ELMO1: variants seen among roughly 807,000 people sequenced by gnomAD.
ELMO1 encodes engulfment and cell motility 1, also known as engulfment and cell motility protein 1.
ELMO1 carries 26 observed loss-of-function variants against 98.9 expected under a neutral mutation model. The ratio of observed to expected loss-of-function variants is 0.26; its 90% CI spans 0.19 to 0.36. ELMO1 has a LOEUF of 0.36. Ranked by LOEUF, ELMO1 falls within the 10% of genes least tolerant of loss-of-function variation. The pLI is 1.00. For missense variants in ELMO1, 627 were observed against 935.2 expected, an observed-to-expected ratio of 0.67 and a Z score of 4.30; for synonymous variants, 346 against 346.0, an observed-to-expected ratio of 1.00 and a Z score of 0.00.
intron 13 of ELMO1, among the ~76,000 whole-genome samples, chr7:37,155,996 A>T (rs1040583251): frequency 2.0e-5 from 3 of 152,352 alleles, no homozygotes; most frequent in Middle Eastern, 3.4e-3. Flanking sequence ...AGTGCCATCA[A>T]ATTAGAACTC....
At chr7:37,423,141 T>C (rs1433157090) in intron 1 of ELMO1, among the ~76,000 whole-genome samples, 1 of 152,202 alleles carries the variant, frequency 6.6e-6, no homozygotes, top group African/African-American at 2.4e-5. Flanking sequence ...CTAAAATATA[T>C]AGGGAAAAAC....
At chr7:37,438,431 C>A (rs374889678) in intron 1 of ELMO1, among the ~76,000 whole-genome samples, 293 of 122,350 alleles carry the variant, frequency 2.4e-3, no homozygotes, top group Middle Eastern at 4.4e-3. Flanking sequence ...ACTAAAAATA[C>A]AAAAAAAAAA....
At chr7:37,312,524 C>CCCAG (rs1488027944) in intron 4 of ELMO1, among the ~76,000 whole-genome samples, 2 of 152,188 alleles carry the variant, frequency 1.3e-5, no homozygotes, top group African/African-American at 4.8e-5. Flanking sequence ...CATGAGACTG[C>CCCAG]CCAGAGGGTG....
At chr7:37,322,295 T>C (rs1339654804) in intron 2 of ELMO1, among the ~76,000 whole-genome samples, 1 of 151,954 alleles carries the variant, frequency 6.6e-6, no homozygotes, top group East Asian at 2.0e-4. Context: ...CTAGGCAACA[T>C]GGCAAAACCT....
At chr7:37,270,725 C>T (rs1460592468) in intron 5 of ELMO1, 10 of 152,050 alleles carry the variant, frequency 6.6e-5, no homozygotes, top group Non-Finnish European at 1.5e-4. Context: ...TATACTGTAG[C>T]GTCTTGTTTA....
intron 11 of ELMO1, among the ~76,000 whole-genome samples, chr7:37,215,250 G>A (rs969760451): frequency 2.0e-5 from 3 of 152,258 alleles, no homozygotes; most frequent in Non-Finnish European, 4.4e-5. Flanking sequence ...GAACTAACTT[G>A]GTCACAAATT....
At chr7:37,306,328 A>G (rs561825422) in intron 4 of ELMO1, among the ~76,000 whole-genome samples, 1 of 152,326 alleles carries the variant, frequency 6.6e-6, no homozygotes, top group Non-Finnish European at 1.5e-5. Flanking sequence ...GCTAAAATTG[A>G]AGGAATAAGA....
intron 15 of ELMO1, among the ~76,000 whole-genome samples, chr7:37,093,952 A>G (rs1010620416): frequency 1.3e-5 from 2 of 152,220 alleles, no homozygotes; most frequent in Admixed American, 6.5e-5. Flanking sequence ...TGCGTTAAAA[A>G]ACATAATGAC....
At chr7:37,168,835 GC>G (rs1237168096) in intron 13 of ELMO1, among the ~76,000 whole-genome samples, 1 of 152,316 alleles carries the variant, frequency 6.6e-6, no homozygotes, top group East Asian at 1.9e-4. Context: ...CAGATCTCCA[GC>G]TGCGTGCTGG....
chr7:36,891,818 A>G (rs1364207234), intron 17 of ELMO1, among the ~76,000 whole-genome samples: 1 of 152,214 alleles, frequency 6.6e-6, no homozygotes, highest in East Asian at 1.9e-4. Flanking sequence ...CTGATAGCAA[A>G]TTGGGTCCAA....
At chr7:37,088,855 T>C (rs889459351) in intron 15 of ELMO1, among the ~76,000 whole-genome samples, 2 of 152,248 alleles carry the variant, frequency 1.3e-5, no homozygotes, top group African/African-American at 4.8e-5. Flanking sequence ...ATGTCAAAGT[T>C]AGGCTTTAGA....
intron 8 of ELMO1, among the ~76,000 whole-genome samples, chr7:37,226,681 A>G (rs1028134381): frequency 1.3e-5 from 2 of 151,946 alleles, no homozygotes; most frequent in Admixed American, 6.5e-5. Flanking sequence ...GCTTGTCTCT[A>G]TTTATTAAAT....
intron 13 of ELMO1, among the ~76,000 whole-genome samples, chr7:37,186,963 C>A (rs1211219877): frequency 1.3e-5 from 2 of 152,104 alleles, no homozygotes; most frequent in African/African-American, 4.8e-5. Context: ...AAGTACAGAA[C>A]AAAGAGAAAT....
intron 4 of ELMO1, among the ~76,000 whole-genome samples, chr7:37,310,411 C>T (rs1798831603): frequency 6.6e-6 from 1 of 151,696 alleles, no homozygotes; most frequent in Non-Finnish European, 1.5e-5. Context: ...GATGACAAGG[C>T]AATTTTCCTG....
chr7:36,957,698 A>G (rs73342233), intron 16 of ELMO1, among the ~76,000 whole-genome samples: 3,757 of 151,946 alleles, frequency 0.025, 153 homozygotes, highest in African/African-American at 0.085. Context: ...TTTCCAATTC[A>G]CTCTCTCTAG....
chr7:36,924,390 C>G (rs1785372128), intron 16 of ELMO1, among the ~76,000 whole-genome samples: 3 of 152,140 alleles, frequency 2.0e-5, no homozygotes, highest in African/African-American at 7.2e-5. Flanking sequence ...CTCCTGCTGG[C>G]AGAGCATATC....
At chr7:37,443,706 TCAAA>T (rs1159936505) in intron 1 of ELMO1, among the ~76,000 whole-genome samples, 2 of 152,158 alleles carry the variant, frequency 1.3e-5, no homozygotes, top group Non-Finnish European at 2.9e-5. Flanking sequence ...TTGTTAACAC[TCAAA>T]CAACCCAAAT....
intron 15 of ELMO1, among the ~76,000 whole-genome samples, chr7:37,053,285 A>ACAC (rs1796212275): frequency 1.4e-5 from 2 of 138,788 alleles, no homozygotes; most frequent in South Asian, 2.4e-4. Flanking sequence ...CATTTGTTAA[A>ACAC]ACACACACAC....
intron 15 of ELMO1, among the ~76,000 whole-genome samples, chr7:37,017,179 C>T (rs565441678): frequency 1.6e-4 from 24 of 152,316 alleles, no homozygotes; most frequent in African/African-American, 5.3e-4. Context: ...GGCAAAGCTG[C>T]ACTCTCAACC....
Sources: allele counts gnomAD v4.1 joint callset (sites outside exome capture counted in the v4.1 genomes callset), GRCh38; gene constraint gnomAD v4.1.1; transcripts MANE v1.5; gene names NCBI Gene and HGNC (gene_info 2026-07-23, HGNC 2026-07-21).